The following CHN2 variants were observed in gnomAD, a reference collection of about 807,000 sequenced individuals.
CHN2 encodes beta-chimaerin.
Under a neutral mutation model 56.3 loss-of-function variants are expected in CHN2, and 35 were observed. That is an observed-to-expected ratio of 0.62 (90% CI 0.47 to 0.82). The LOEUF (loss-of-function observed/expected upper bound fraction) is 0.82, where lower values mean the gene tolerates loss of function less well. CHN2 is among the 40% of genes least tolerant of loss of function. The pLI, the probability that CHN2 is intolerant of heterozygous loss-of-function variation, is 0.00. For synonymous variants in CHN2, 210 were observed against 212.8 expected, an observed-to-expected ratio of 0.99 and a Z score of 0.12; for missense variants, 491 against 580.5, an observed-to-expected ratio of 0.85 and a Z score of 1.58.
At chr7:29,375,569 T>C (rs542485351) in intron 3 of CHN2, among the ~76,000 whole-genome samples, 20 of 152,356 alleles carry the variant, frequency 1.3e-4, no homozygotes, top group African/African-American at 4.8e-4. Flanking sequence ...CTATGTGGTA[T>C]TGTTCATTGT....
chr7:29,204,224 A>G (rs1784369874), intron 1 of CHN2, among the ~76,000 whole-genome samples: 1 of 150,606 alleles, frequency 6.6e-6, no homozygotes, highest in Non-Finnish European at 1.5e-5. Context: ...GTGTGTGTAT[A>G]TATGTATACA....
chr7:29,186,454 C>T (rs545830730), intron 2 of CHN2: 2 of 152,174 alleles, frequency 1.3e-5, no homozygotes, highest in Admixed American at 6.6e-5. Flanking sequence ...TGCCTGTAGT[C>T]CCAGCTGCTT....
chr7:29,393,744 T>A, intron 4 of CHN2, 34 bp downstream of exon 4: 1 of 694,520 alleles, frequency 1.4e-6, no homozygotes, highest in Non-Finnish European at 2.2e-6. Flanking sequence ...TTTAATAATT[T>A]AATAAGTAGT....
At chr7:29,479,225 G>A (rs17752156) in intron 6 of CHN2, among the ~76,000 whole-genome samples, 23,390 of 152,140 alleles carry the variant, frequency 0.15, 1,915 homozygotes, top group East Asian at 0.25. Context: ...AGAGGAAGGA[G>A]GCCATTTTCA....
At chr7:29,489,475 T>A (rs988295750) in intron 7 of CHN2, among the ~76,000 whole-genome samples, 5 of 152,170 alleles carry the variant, frequency 3.3e-5, no homozygotes, top group Non-Finnish European at 7.4e-5. Flanking sequence ...AGAGTAGACA[T>A]AATAAGTAGA....
intron 1 of CHN2, among the ~76,000 whole-genome samples, chr7:29,223,642 A>C (rs776425302): frequency 2.0e-5 from 3 of 152,034 alleles, no homozygotes; most frequent in Non-Finnish European, 4.4e-5. Flanking sequence ...AATTTCTATA[A>C]ATTTAATTGT....
intron 1 of CHN2, among the ~76,000 whole-genome samples, chr7:29,332,612 C>G (rs1796313570): frequency 6.6e-6 from 1 of 152,132 alleles, no homozygotes; most frequent in African/African-American, 2.4e-5. Flanking sequence ...CCACAGTGTA[C>G]TGTGTTGCCA....
At chr7:29,265,429 CTT>C (rs1790060776) in intron 1 of CHN2, among the ~76,000 whole-genome samples, 1 of 152,222 alleles carries the variant, frequency 6.6e-6, no homozygotes, top group African/African-American at 2.4e-5. Flanking sequence ...ACCTCGTGCT[CTT>C]TTGAGTTTGA....
intron 6 of CHN2, among the ~76,000 whole-genome samples, chr7:29,473,470 G>GTTTTTTTTTTTTT (rs765290417): frequency 4.3e-5 from 4 of 93,528 alleles, no homozygotes; most frequent in East Asian, 2.7e-4. Flanking sequence ...GTGTGTTTGT[G>GTTTTTTTTTTTTT]TTTTTTTTTT....
At chr7:29,432,191 T>G (rs1782905697) in intron 6 of CHN2, among the ~76,000 whole-genome samples, 1 of 152,190 alleles carries the variant, frequency 6.6e-6, no homozygotes. Context: ...TTTGATACAC[T>G]GCCTTTTGAC....
At chr7:29,339,575 G>A (rs1042390001) in intron 1 of CHN2, among the ~76,000 whole-genome samples, 4 of 152,116 alleles carry the variant, frequency 2.6e-5, no homozygotes, top group African/African-American at 9.7e-5. Context: ...AATGCTAGCC[G>A]GGCACGGTGG....
intron 1 of CHN2, among the ~76,000 whole-genome samples, chr7:29,291,690 G>A (rs1792639878): frequency 6.6e-6 from 1 of 151,992 alleles, no homozygotes; most frequent in South Asian, 2.1e-4. Flanking sequence ...AATAAACCAT[G>A]CTGCAATGAA....
At chr7:29,364,620 C>G (rs1799001278) in intron 2 of CHN2, among the ~76,000 whole-genome samples, 1 of 152,204 alleles carries the variant, frequency 6.6e-6, no homozygotes, top group South Asian at 2.1e-4. Flanking sequence ...TGCAGCCTCC[C>G]TGGTGATTAA....
At chr7:29,167,487 C>T (rs1796066981) in intron 2 of CHN2, among the ~76,000 whole-genome samples, 1 of 152,126 alleles carries the variant, frequency 6.6e-6, no homozygotes, top group Admixed American at 6.5e-5. Flanking sequence ...TTGAATATGT[C>T]TTTGGTGCAC....
chr7:29,470,734 C>T (rs987850160), intron 6 of CHN2, among the ~76,000 whole-genome samples: 5 of 152,154 alleles, frequency 3.3e-5, no homozygotes, highest in African/African-American at 7.2e-5. Context: ...TCTGGCCTTT[C>T]GCAGGGATTT....
At chr7:29,185,549 C>A (rs552325344) in intron 2 of CHN2, 2 of 152,030 alleles carry the variant, frequency 1.3e-5, no homozygotes, top group East Asian at 3.9e-4. Flanking sequence ...ATAATCTGTT[C>A]TCTGAATCTC....
intron 6 of CHN2, among the ~76,000 whole-genome samples, chr7:29,430,846 A>G (rs995901144): frequency 1.3e-5 from 2 of 150,470 alleles, no homozygotes; most frequent in Non-Finnish European, 3.0e-5. Flanking sequence ...CTCCCTTTAC[A>G]GGAGAAAGCC....
Position 29,228,886 on chromosome 7 carries a change from G to A in CHN2, c.49+33896G>A, listed in dbSNP as rs538731921. ...AAAAATGGGCCTCTGGCGCTGCACC[G>A]CCCTCCTTCCTGAGCTCTGCTTTCA... On this transcript the variant is annotated intron_variant, in intron 1 of 12. Coordinates refer to ENST00000222792, the MANE Select transcript of CHN2 (RefSeq NM_004067.4). 3.2e-4 allele frequency among the ~76,000 whole-genome samples: 48 copies of A among 152,302 alleles called. 2 individuals are homozygous for A. In the South Asian group the frequency reaches 9.1e-3, roughly 29 times the overall value.
At chr7:29,430,468 T>C (rs184169461) in intron 6 of CHN2, among the ~76,000 whole-genome samples, 1 of 152,326 alleles carries the variant, frequency 6.6e-6, no homozygotes, top group African/African-American at 2.4e-5. Flanking sequence ...ATAACATTTA[T>C]GGACAGCAAA....
Sources: gnomAD v4.1 joint callset for allele counts (sites outside exome capture counted in the v4.1 genomes callset) on GRCh38, gnomAD v4.1.1 for gene constraint, MANE v1.5 for transcripts, NCBI Gene and HGNC (gene_info 2026-07-23, HGNC 2026-07-21) for gene names.